RAB3B: variants seen among roughly 807,000 people sequenced by gnomAD.
RAB3B encodes RAB3B, member RAS oncogene family, also known as ras-related protein Rab-3B.
A neutral mutation model predicts 20.5 loss-of-function variants in RAB3B; 11 were observed. The ratio of observed to expected loss-of-function variants is 0.54; its 90% CI spans 0.34 to 0.89. RAB3B has a LOEUF of 0.89. Among genes scored for constraint, RAB3B ranks in the 40% least tolerant of loss-of-function variants. The probability of loss-of-function intolerance (pLI) is 0.02; values close to 1 mark genes in which losing one functional copy is unlikely to be tolerated. For missense variants in RAB3B, 225 were observed against 280.9 expected (o/e 0.80, Z 1.42); for synonymous variants, 99 against 106.3 (o/e 0.93, Z 0.42).
intron 1 of RAB3B, among the ~76,000 whole-genome samples, chr1:51,985,704 GA>G: frequency 6.6e-6 from 1 of 152,102 alleles, no homozygotes; most frequent in Non-Finnish European, 1.5e-5. Context: ...ACTGTGCTGA[GA>G]AAAATACATG....
intron 2 of RAB3B, among the ~76,000 whole-genome samples, chr1:51,960,936 C>T (rs977393668): frequency 6.6e-6 from 1 of 152,214 alleles, no homozygotes; most frequent in African/African-American, 2.4e-5. Flanking sequence ...ATGTTACAGG[C>T]TCCATGCTAG....
intron 2 of RAB3B, among the ~76,000 whole-genome samples, chr1:51,957,213 G>A (rs1027889512): frequency 3.3e-5 from 5 of 152,120 alleles, no homozygotes; most frequent in African/African-American, 4.8e-5. Context: ...TCACTCTGTC[G>A]ATCTTTTCCT....
chr1:51,958,421 C>T (rs888817754), intron 2 of RAB3B, among the ~76,000 whole-genome samples: 3 of 152,074 alleles, frequency 2.0e-5, no homozygotes, highest in African/African-American at 4.8e-5. Context: ...AGAGGAAAGC[C>T]GGTAAGAAAG....
chr1:51,963,422 A>G (rs1374414837), intron 2 of RAB3B, among the ~76,000 whole-genome samples: 1 of 152,144 alleles, frequency 6.6e-6, no homozygotes, highest in Non-Finnish European at 1.5e-5. Context: ...ACTCAGCAAA[A>G]CCACACTTTA....
At chr1:51,924,475 C>T (rs914426321) in intron 4 of RAB3B, among the ~76,000 whole-genome samples, 1 of 152,144 alleles carries the variant, frequency 6.6e-6, no homozygotes, top group Non-Finnish European at 1.5e-5. Context: ...CATAGCACAA[C>T]AGGCAGGGGA....
At chr1:51,959,643 C>T (rs746296776) in intron 2 of RAB3B, among the ~76,000 whole-genome samples, 7 of 145,566 alleles carry the variant, frequency 4.8e-5, no homozygotes, top group African/African-American at 7.8e-5. Context: ...TAAGGAGACA[C>T]GACAATTCAG....
chr1:51,989,541 G>A (rs1436548105), intron 1 of RAB3B, among the ~76,000 whole-genome samples: 5 of 151,534 alleles, frequency 3.3e-5, no homozygotes, highest in Non-Finnish European at 7.4e-5. Context: ...ACCCACACCT[G>A]GCCTCCTCCC....
rs149602320 is a variant in RAB3B, at chr1:51,935,563, G to C, written c.347+1731C>G. On this transcript the variant is annotated intron_variant, in intron 3 of 4. Coordinates refer to ENST00000371655, the MANE Select transcript of RAB3B (RefSeq NM_002867.4). ...CCACCCCATTTCCTCTCAGCTCCCA[G>C]GTTAGCAACAAACTCAGGTTATTCT... Among the ~76,000 whole-genome samples, 7 of 152,194 alleles carry C rather than the reference G, an allele frequency of 4.6e-5. No homozygotes were observed. In the East Asian group the frequency reaches 1.4e-3, roughly 29 times the overall value.
chr1:51,988,205 T>C (rs1685175411), intron 1 of RAB3B, among the ~76,000 whole-genome samples: 1 of 152,188 alleles, frequency 6.6e-6, no homozygotes, highest in Non-Finnish European at 1.5e-5. Flanking sequence ...AGCATTTCAG[T>C]GAGAATAAGA....
At chr1:51,940,117 T>C (rs1422232125) in intron 2 of RAB3B, among the ~76,000 whole-genome samples, 1 of 152,224 alleles carries the variant, frequency 6.6e-6, no homozygotes, top group African/African-American at 2.4e-5. Context: ...GAAACTAAGA[T>C]TCATTCAGAA....
At chr1:51,951,452 A>G (rs1684639607) in intron 2 of RAB3B, among the ~76,000 whole-genome samples, 1 of 152,166 alleles carries the variant, frequency 6.6e-6, no homozygotes, top group African/African-American at 2.4e-5. Flanking sequence ...CAGGACTCAA[A>G]TTCAAATATT....
intron 3 of RAB3B, among the ~76,000 whole-genome samples, chr1:51,936,650 C>T (rs1684407871): frequency 6.6e-6 from 1 of 152,082 alleles, no homozygotes; most frequent in South Asian, 2.1e-4. Context: ...TCATTTGTCC[C>T]TCGGGCTAAC....
chr1:51,971,010 C>CAAAAAAA (rs3074914), intron 2 of RAB3B, among the ~76,000 whole-genome samples: 15 of 55,684 alleles, frequency 2.7e-4, no homozygotes, highest in African/African-American at 4.2e-4. Flanking sequence ...GACTCCGTCT[C>CAAAAAAA]AAAAAAAAAA....
chr1:51,920,868 T>C (rs1684163680), intron 4 of RAB3B, among the ~76,000 whole-genome samples: 1 of 152,188 alleles, frequency 6.6e-6, no homozygotes, highest in Non-Finnish European at 1.5e-5. Flanking sequence ...ACTGGTTTAT[T>C]TCCACTCAGT....
rs754333359 is a variant in RAB3B at position 51,919,975 on chromosome 1, C to T, written c.612G>A (p.Thr204=). 8.7e-6 allele frequency: 14 copies of T among 1,613,908 alleles called. No homozygotes were observed. The highest frequency in any genetic ancestry group is 2.2e-5 in the East Asian group (1 of 44,890). Residue 204 remains threonine, a synonymous_variant, in exon 5 of 5, where the codon ACG becomes ACA. Coordinates refer to ENST00000371655, the MANE Select transcript of RAB3B (RefSeq NM_002867.4). The part of the protein sequence containing the change: ...DPSMLGSSKN[T]RLSDTPPLLQ... ...GCAGCGGTGGGGTGTCCGAGAGACGCGTGTTCTTGGAGGAGCCCAGCATCG... is the reference window on the plus strand; with the variant it reads ...GCAGCGGTGGGGTGTCCGAGAGACGTGTGTTCTTGGAGGAGCCCAGCATCG...
At chr1:51,931,958 G>A (rs1447750334) in intron 4 of RAB3B, among the ~76,000 whole-genome samples, 1 of 152,044 alleles carries the variant, frequency 6.6e-6, no homozygotes, top group Non-Finnish European at 1.5e-5. Flanking sequence ...CCAGGTGTGG[G>A]CTTCATCACT....
At chr1:51,935,357 T>C (rs1249825439) in intron 3 of RAB3B, among the ~76,000 whole-genome samples, 1 of 152,126 alleles carries the variant, frequency 6.6e-6, no homozygotes, top group Admixed American at 6.6e-5. Context: ...CAGGCCCCAT[T>C]CTGGGCACTG....
At chr1:51,972,158 G>A (rs1314899148) in intron 2 of RAB3B, among the ~76,000 whole-genome samples, 5 of 152,062 alleles carry the variant, frequency 3.3e-5, no homozygotes, top group East Asian at 1.9e-4. Flanking sequence ...CTGGGCAACC[G>A]AGCGAGACTC....
intron 1 of RAB3B, among the ~76,000 whole-genome samples, chr1:51,989,207 T>TG (rs1571984781): frequency 1.7e-5 from 2 of 118,594 alleles, no homozygotes; most frequent in African/African-American, 6.1e-5. Context: ...CCCATCTTGT[T>TG]TTGTGTGTGT....
Sources: allele counts gnomAD v4.1 joint callset (sites outside exome capture counted in the v4.1 genomes callset), GRCh38; gene constraint gnomAD v4.1.1; transcripts MANE v1.5; gene names NCBI Gene and HGNC (gene_info 2026-07-23, HGNC 2026-07-21).